TRAIP: variants seen among roughly 807,000 people sequenced by gnomAD.
TRAIP encodes TRAF interacting protein.
Under a neutral mutation model 65.0 loss-of-function variants are expected in TRAIP, and 37 were observed. That is an observed-to-expected ratio of 0.57 (90% confidence interval 0.44 to 0.75). TRAIP has a LOEUF of 0.75. TRAIP is among the 30% of genes least tolerant of loss of function. The pLI is 0.00. For missense variants in TRAIP, 481 were observed against 579.4 expected, an observed-to-expected ratio of 0.83 and a Z score of 1.74; for synonymous variants, 187 against 219.1, an observed-to-expected ratio of 0.85 and a Z score of 1.29.
At position 49,840,287 on chromosome 3, in the gene TRAIP, G is replaced by T; in HGVS notation, c.792C>A (p.Ile264=). 6.2e-7 allele frequency: 1 copy of T among 1,613,966 alleles called. No homozygotes were observed. The highest frequency in any genetic ancestry group is 8.5e-7 in the Non-Finnish European group (1 of 1,179,810). ...QKDLQSADKE[I]MSLKKKLTML... ...TCAAGCCAGGGATGTCCCTCACCAT[G>T]ATTTCCTTGTCAGCACTCTGTAAGT... Residue 264 remains isoleucine (I), a synonymous_variant, in exon 9 of 15, where the codon ATC becomes ATA. Transcript: ENST00000331456.
rs2081951651 is a variant in TRAIP, at chr3:49,853,669, C to T, written c.98+2687G>A. ...GACCAGTCTGGCCAACATAGTGAAA[C>T]TCTGCCTCTACTAAAAATACAAAAA... On this transcript the variant is annotated intron_variant, in intron 1 of 14. Coordinates refer to ENST00000331456, the MANE Select transcript of TRAIP (RefSeq NM_005879.3). Among the ~76,000 whole-genome samples, 3 of 151,892 alleles carry T rather than the reference C, an allele frequency of 2.0e-5. No homozygotes were observed. The South Asian group carries it at 6.2e-4, about 32-fold the overall frequency.
chr3:49,851,204 G>A (rs536597458), intron 1 of TRAIP, among the ~76,000 whole-genome samples: 1 of 152,144 alleles, frequency 6.6e-6, no homozygotes, highest in Admixed American at 6.5e-5. Context: ...GAACTTCTGG[G>A]CTCAAGCAAT....
Position 49,840,290 on chromosome 3 carries a change from T to C in TRAIP, c.789A>G (p.Glu263=). Reference sequence around the variant, plus strand: ...AGCCAGGGATGTCCCTCACCATGATTTCCTTGTCAGCACTCTGTAAGTCCT... The same window carrying C: ...AGCCAGGGATGTCCCTCACCATGATCTCCTTGTCAGCACTCTGTAAGTCCT... ...AQKDLQSADK[E]IMSLKKKLTM... The change falls in exon 9 of 15, where the codon GAA becomes GAG. Residue 263 remains glutamate (E), a synonymous_variant. Coordinates refer to ENST00000331456, the MANE Select transcript of TRAIP (RefSeq NM_005879.3). The C allele has an allele frequency of 1.2e-6, 2 of 1,614,032 alleles. No homozygotes were observed. The highest frequency in any genetic ancestry group is 8.5e-7 in the Non-Finnish European group (1 of 1,179,858).
chr3:49,831,201 C>T (rs1429623359), intron 11 of TRAIP, among the ~76,000 whole-genome samples: 3 of 152,238 alleles, frequency 2.0e-5, no homozygotes, highest in Non-Finnish European at 4.4e-5. Flanking sequence ...CTCTTGCTCC[C>T]TTCCACCTCC....
chr3:49,834,940 G>A (rs2108311919), intron 10 of TRAIP, among the ~76,000 whole-genome samples: 1 of 152,350 alleles, frequency 6.6e-6, no homozygotes, highest in African/African-American at 2.4e-5. Context: ...AGTAGCTCAC[G>A]CCTGTAATAC....
chr3:49,840,215 A>C, intron 9 of TRAIP, 69 bp downstream of exon 9: 1 of 1,382,758 alleles, frequency 7.2e-7, no homozygotes, highest in South Asian at 1.2e-5. Flanking sequence ...GGGCAGAGAT[A>C]GCCCAGCCCT....
At position 49,847,555 on chromosome 3, in the gene TRAIP, C is replaced by T; in HGVS notation, c.210G>A (p.Glu70=). 6.2e-7 allele frequency: 1 copy of T among 1,611,974 alleles called. No homozygotes were observed. ...NKLFFDLAQE[E]ENVLDAEFLK... is the part of the protein sequence containing the mutation. ...AGAATTCTGCATCCAAGACATTCTC[C>T]TCCTCCTGGGCAAGATCAAAGAAGA... Residue 70 remains glutamate, a synonymous_variant, in exon 3 of 15, where the codon GAG becomes GAA. Transcript: ENST00000331456.
chr3:49,830,445 G>A (rs775943099), intron 11 of TRAIP, among the ~76,000 whole-genome samples: 9 of 152,328 alleles, frequency 5.9e-5, no homozygotes, highest in East Asian at 1.9e-4. Context: ...GCCCTGATAC[G>A]AGCAAAAGAA....
In TRAIP at chr3:49,834,086, C is replaced by T. The variant is rs116252617; in HGVS notation, c.885-2018G>A. ...AGCTAAGGCCTTGAGCAGCCCATTG[C>T]CTGCGTGGCATGGGATTAGTCAACA... On this transcript the variant is annotated intron_variant, in intron 10 of 14. Coordinates refer to ENST00000331456, the MANE Select transcript of TRAIP (RefSeq NM_005879.3). Among the ~76,000 whole-genome samples the T allele has an allele frequency of 6.1e-3, 935 of 152,256 alleles. 3 individuals carry two copies. The highest frequency in any genetic ancestry group is 0.021 in the African/African-American group (875 of 41,532).
chr3:49,839,830 C>T lies in TRAIP; in HGVS notation c.826G>A (p.Glu276Lys). Reference protein sequence around the residue: ...SLKKKLTMLQETLNLPPVASE... With the variant: ...SLKKKLTMLQKTLNLPPVASE... ...GCCACTGGTGGCAGGTTCAAGGTTT[C>T]CTGCAGCATCGTTAGCTTCTTTTTC... Residue 276 changes from glutamate (E) to lysine (K), a missense_variant, in exon 10 of 15, where the codon GAA (glutamate) becomes AAA (lysine). Physicochemically the swap from Glu to Lys is moderately conservative, Grantham distance 56. Coordinates refer to ENST00000331456, the MANE Select transcript of TRAIP (RefSeq NM_005879.3). 6.2e-7 allele frequency: 1 copy of T among 1,614,228 alleles called. No individual in the cohort carries two copies. The highest frequency in any genetic ancestry group is 8.5e-7 in the Non-Finnish European group (1 of 1,180,038).
chr3:49,835,035 C>T (rs2081768729), intron 10 of TRAIP, among the ~76,000 whole-genome samples: 1 of 152,102 alleles, frequency 6.6e-6, no homozygotes, highest in Non-Finnish European at 1.5e-5. Flanking sequence ...GACTCTATCT[C>T]TACAAAAAAT....
At position 49,830,083 on chromosome 3, in the gene TRAIP, G is replaced by A; in HGVS notation, c.1038-15C>T. 1 of 1,614,130 alleles carries A rather than the reference G, an allele frequency of 6.2e-7. No individual in the cohort carries two copies. The highest frequency in any genetic ancestry group is 8.5e-7 in the Non-Finnish European group (1 of 1,179,968). On this transcript the variant is annotated splice_polypyrimidine_tract_variant and intron_variant, in intron 11 of 14. Transcript: ENST00000331456. Reference sequence around the variant, plus strand: ...GAATTGGGGAGCTACAAGAATGAGAGAGAAGGCAAGGGGTAGGTAAGCAAG... The same window carrying A: ...GAATTGGGGAGCTACAAGAATGAGAAAGAAGGCAAGGGGTAGGTAAGCAAG...
chr3:49,847,180 AAAAT>A (rs56321532), intron 3 of TRAIP, among the ~76,000 whole-genome samples: 1,602 of 144,384 alleles, frequency 0.011, 25 homozygotes, highest in African/African-American at 0.035. Flanking sequence ...ACTTCATCTC[AAAAT>A]AAATAAATAA....
chr3:49,830,145 C>G (rs1469077327), intron 11 of TRAIP, 77 bp from the exon 12 acceptor site: 1 of 1,508,214 alleles, frequency 6.6e-7, no homozygotes, highest in South Asian at 1.1e-5. Flanking sequence ...GCACACGCCC[C>G]TTGGGGAGTT....
rs756103045 is a variant in TRAIP at position 49,831,961 on chromosome 3, C to G, written c.992G>C (p.Ser331Thr). The G allele has an allele frequency of 6.2e-7, 1 of 1,602,110 alleles. No homozygotes were observed. The highest frequency in any genetic ancestry group is 1.1e-5 in the South Asian group (1 of 89,336). Residue 331 changes from serine to threonine, a missense_variant, in exon 11 of 15, where the codon AGC (serine) becomes ACC (threonine). Coordinates refer to ENST00000331456, the MANE Select transcript of TRAIP (RefSeq NM_005879.3). The stretch of plus-strand genomic sequence containing the variant: ...TTTTTCGTAGTAACCATGCTGGGAG[C>G]TGGAGGGCCGGGCTGGGGGAGTATC... ...DVDTPPARPS[S>T]SQHGYYEKLC...
rs749187812 is a variant in TRAIP at position 49,840,286 on chromosome 3, T to C, written c.793A>G (p.Met265Val). 58 of 1,613,832 alleles carry C rather than the reference T, an allele frequency of 3.6e-5. No individual in the cohort carries two copies. Among genetic ancestry groups the C allele is most frequent in the Non-Finnish European group, 4.2e-5 (49 of 1,179,784 alleles). The change falls in exon 9 of 15, where the codon ATG (methionine) becomes GTG (valine). Residue 265 changes from methionine (M) to valine (V), a missense_variant and splice_region_variant. By Grantham distance (21) the Met-to-Val change is conservative. Transcript: ENST00000331456. The stretch of plus-strand genomic sequence containing the variant: ...GTCAAGCCAGGGATGTCCCTCACCA[T>C]GATTTCCTTGTCAGCACTCTGTAAG... Reference protein sequence around the residue: ...KDLQSADKEIMSLKKKLTMLQ... With the variant: ...KDLQSADKEIVSLKKKLTMLQ...
chr3:49,848,575 A>G (rs2081904806), intron 1 of TRAIP, among the ~76,000 whole-genome samples: 2 of 152,248 alleles, frequency 1.3e-5, no homozygotes, highest in African/African-American at 4.8e-5. Context: ...GTAAGGATCA[A>G]CCAGAAATAA....
At chr3:49,849,615 AC>A (rs2081914211) in intron 1 of TRAIP, among the ~76,000 whole-genome samples, 2 of 151,552 alleles carry the variant, frequency 1.3e-5, no homozygotes, top group South Asian at 4.2e-4. Flanking sequence ...ACAGAGCGAG[AC>A]TCCATCTCAA....
rs763467454 is a variant in TRAIP, at chr3:49,843,811, G to A, written c.398C>T (p.Ser133Phe). ...QALGKAEMLC[S>F]TLKKQMKYLE... ...AACCTGAGGACCTACTTTCAGTGTG[G>A]AGCACAGCATCTCGGCCTTGCCCAA... The change falls in exon 5 of 15, where the codon TCC becomes TTC. Residue 133 changes from serine to phenylalanine, a missense_variant. Physicochemically the swap from Ser to Phe is radical, Grantham distance 155 (BLOSUM62 -2). Coordinates refer to ENST00000331456, the MANE Select transcript of TRAIP (RefSeq NM_005879.3). 4.3e-6 allele frequency: 7 copies of A among 1,613,418 alleles called. No homozygotes were observed. The highest frequency in any genetic ancestry group is 5.1e-6 in the Non-Finnish European group (6 of 1,179,354).
Sources: gnomAD v4.1 joint callset for allele counts (sites outside exome capture counted in the v4.1 genomes callset) on GRCh38, gnomAD v4.1.1 for gene constraint, MANE v1.5 for transcripts, NCBI Gene and HGNC (gene_info 2026-07-23, HGNC 2026-07-21) for gene names.